The following ADGRB1 variants were observed in gnomAD, a reference collection of about 807,000 sequenced individuals.
ADGRB1 encodes brain-specific angiogenesis inhibitor 1.
Under a neutral mutation model 175.7 loss-of-function variants are expected in ADGRB1, and 36 were observed. The observed-to-expected ratio is 0.20, with a 90% CI of 0.16 to 0.27. The LOEUF (loss-of-function observed/expected upper bound fraction) is 0.27. Ranked by LOEUF, ADGRB1 falls within the 10% of genes least tolerant of loss-of-function variation. The pLI is 1.00. For synonymous variants in ADGRB1, 1,054 were observed against 979.4 expected, an observed-to-expected ratio of 1.08 and a Z score of -1.42; for missense variants, 1,731 against 2,255.3, an observed-to-expected ratio of 0.77 and a Z score of 4.71.
Position 142,493,865 on chromosome 8 carries a change from G to A in ADGRB1, c.2675+3050G>A, listed in dbSNP as rs1348317984. On this transcript the variant is annotated intron_variant, in intron 17 of 30. Transcript: ENST00000517894. The surrounding 1 kb of genome is among the most constrained non-coding windows in gnomAD (Gnocchi z 5.0). ...CTCTGAGTTGGATGGCACCTCCCTTGACTGCTGCAGGGGCCACTCCTCGCC... is the reference window on the plus strand; with the variant it reads ...CTCTGAGTTGGATGGCACCTCCCTTAACTGCTGCAGGGGCCACTCCTCGCC... Among the ~76,000 whole-genome samples, 2 of 152,198 alleles carry A rather than the reference G, an allele frequency of 1.3e-5. No homozygotes were observed. The highest frequency in any genetic ancestry group is 4.8e-5 in the African/African-American group (2 of 41,446).
intron 17 of ADGRB1, among the ~76,000 whole-genome samples, chr8:142,502,558 TG>T (rs1842668651): frequency 5.6e-5 from 3 of 53,168 alleles, no homozygotes; most frequent in African/African-American, 1.8e-4. Context: ...GTGGTGGTGG[TG>T]GTGGTGATAG....
chr8:142,481,774 G>A (rs578017224), intron 11 of ADGRB1, 63 bp downstream of exon 11: 347 of 1,385,278 alleles, frequency 2.5e-4, no homozygotes, highest in Non-Finnish European at 3.1e-4. Flanking sequence ...AGCCCTCCTC[G>A]ACCTTAGAGA....
chr8:142,478,413 T>C, intron 7 of ADGRB1, 53 bp downstream of exon 7: 1 of 1,515,664 alleles, frequency 6.6e-7, no homozygotes, highest in Non-Finnish European at 8.8e-7. Flanking sequence ...CAGGAGCCTC[T>C]AGGAAGGGGA....
chr8:142,494,707 C>T (rs1447232170), intron 17 of ADGRB1, among the ~76,000 whole-genome samples: 1 of 151,430 alleles, frequency 6.6e-6, no homozygotes, highest in Non-Finnish European at 1.5e-5. Context: ...CAACTAGATC[C>T]GTAACCAAAC....
At chr8:142,506,703 G>A (rs1842869184) in intron 17 of ADGRB1, among the ~76,000 whole-genome samples, 1 of 152,194 alleles carries the variant, frequency 6.6e-6, no homozygotes, top group South Asian at 2.1e-4. Context: ...TCAGGATCTG[G>A]TACAAGAGGA....
rs1419195164 is a variant in ADGRB1, at chr8:142,504,994, C to G, written c.2676-5938C>G. Among the ~76,000 whole-genome samples the G allele has an allele frequency of 7.0e-6, 1 of 143,502 alleles. No homozygotes were observed. The highest frequency in any genetic ancestry group is 2.1e-4 in the East Asian group (1 of 4,792). The allele number at this position is 143,502 out of a possible 152,430, so 94.1% of individuals were successfully genotyped here. On this transcript the variant is annotated intron_variant, in intron 17 of 30. Transcript: ENST00000517894. This position sits in a 1 kb window ranked among gnomAD's most constrained non-coding sequence, Gnocchi z 5.6. ...AAGGGGACCCCGACAGCGCACAGTC[C>G]CATAATAGCACCTGCTTCGTGGGCC...
chr8:142,484,625 T>TCCCTCGGCTGCTCACCC, intron 12 of ADGRB1, 31 bp from the exon 13 acceptor site: 1 of 1,584,704 alleles, frequency 6.3e-7, no homozygotes, highest in Non-Finnish European at 8.6e-7. Context: ...TGGGGCCTCC[T>TCCCTCGGCTGCTCACCC]CCCTCGGCTG....
chr8:142,517,498 C>A (rs1843513118), intron 18 of ADGRB1, among the ~76,000 whole-genome samples: 1 of 152,102 alleles, frequency 6.6e-6, no homozygotes, highest in Non-Finnish European at 1.5e-5. Flanking sequence ...ATGCCTGGGG[C>A]CAGGGCTGGC....
rs752181885 is a variant in ADGRB1 at position 142,526,638 on chromosome 8, G to C, written c.3398+11G>C. 2 of 1,607,048 alleles carry C rather than the reference G, an allele frequency of 1.2e-6. No homozygotes were observed. Among genetic ancestry groups the C allele is most frequent in the East Asian group, 4.5e-5 (2 of 44,636 alleles). On this transcript the variant is annotated intron_variant, in intron 24 of 30. Transcript: ENST00000517894. ...GAAGGAGCGGGCAGGGTAGGACCGG[G>C]GCTACGCGGCTCCTTGCCCACCCGG... is the stretch of plus-strand genomic sequence containing the variant.
intron 1 of ADGRB1, among the ~76,000 whole-genome samples, chr8:142,460,507 G>A (rs558133735): frequency 1.3e-5 from 2 of 152,288 alleles, no homozygotes; most frequent in African/African-American, 4.8e-5. Context: ...CTGGGGAGCC[G>A]GGAAGTAACC....
intron 1 of ADGRB1, among the ~76,000 whole-genome samples, chr8:142,454,326 C>T (rs931757872): frequency 2.0e-5 from 3 of 152,186 alleles, no homozygotes; most frequent in Non-Finnish European, 2.9e-5. Context: ...AGCAGGCACG[C>T]GTGTCCCCAC....
intron 17 of ADGRB1, among the ~76,000 whole-genome samples, chr8:142,500,197 C>T (rs1161780364): frequency 1.3e-5 from 2 of 151,148 alleles, no homozygotes; most frequent in African/African-American, 2.4e-5. Context: ...CGCCCCCGCC[C>T]CACACCGCTC....
intron 18 of ADGRB1, among the ~76,000 whole-genome samples, chr8:142,515,399 G>A (rs1329988807): frequency 3.3e-5 from 5 of 152,216 alleles, no homozygotes; most frequent in Non-Finnish European, 7.3e-5. Flanking sequence ...AACGGCCGTC[G>A]GGAGTGACTG....
chr8:142,458,136 C>A (rs1205988568), intron 1 of ADGRB1, among the ~76,000 whole-genome samples: 1 of 152,046 alleles, frequency 6.6e-6, no homozygotes, highest in African/African-American at 2.4e-5. Flanking sequence ...GGAGGGGACG[C>A]AGGAGGCCTG....
At chr8:142,522,810 G>C in intron 22 of ADGRB1, 100 bp downstream of exon 22, 1 of 1,263,594 alleles carries the variant, frequency 7.9e-7, no homozygotes, top group Non-Finnish European at 1.0e-6. Context: ...CCCCCCGTGT[G>C]ACCCTGATCA....
At chr8:142,467,325 C>T (rs529952067) in intron 2 of ADGRB1, among the ~76,000 whole-genome samples, 1 of 152,172 alleles carries the variant, frequency 6.6e-6, no homozygotes, top group Non-Finnish European at 1.5e-5. Context: ...GGCTGGCAGC[C>T]GGTGCCGGCA....
intron 24 of ADGRB1, among the ~76,000 whole-genome samples, chr8:142,532,332 G>C (rs951485549): frequency 2.0e-5 from 3 of 152,224 alleles, no homozygotes; most frequent in African/African-American, 7.2e-5. Flanking sequence ...CTGTGAGCAG[G>C]AGAGCACAGG....
Position 142,475,462 on chromosome 8 carries a change from G to C in ADGRB1, c.785-12G>C. On this transcript the variant is annotated splice_polypyrimidine_tract_variant and intron_variant, in intron 2 of 30. Coordinates refer to ENST00000517894, the MANE Select transcript of ADGRB1 (RefSeq NM_001702.3). ...GCCCTGCCCTGATCCCCGCCCTCTGGTTTCCCCCCAGGCGGCTGGAAGCTG... is the reference window on the plus strand; with the variant it reads ...GCCCTGCCCTGATCCCCGCCCTCTGCTTTCCCCCCAGGCGGCTGGAAGCTG... The C allele has an allele frequency of 7.8e-7, 1 of 1,289,964 alleles. No individual in the cohort carries two copies. The highest frequency in any genetic ancestry group is 9.8e-7 in the Non-Finnish European group (1 of 1,017,908). The allele number at this position is 1,289,964 out of a possible 1,614,324, so 79.9% of individuals were successfully genotyped here. A position where few individuals can be genotyped will look rare whatever the true frequency, so the allele number is the denominator to read the frequency against.
intron 8 of ADGRB1, 75 bp from the exon 9 acceptor site, chr8:142,479,618 C>A: frequency 6.6e-7 from 1 of 1,518,414 alleles, no homozygotes. Flanking sequence ...CTGCTCCAGG[C>A]GCCTTGCACC....
Sources: allele counts gnomAD v4.1 joint callset (sites outside exome capture counted in the v4.1 genomes callset), GRCh38; gene constraint gnomAD v4.1.1; non-coding constraint Gnocchi (gnomAD v3.1); transcripts MANE v1.5; gene names NCBI Gene and HGNC (gene_info 2026-07-23, HGNC 2026-07-21).